The following UBE2H variants were observed in gnomAD, a reference collection of about 807,000 sequenced individuals.
The protein encoded by UBE2H is ubiquitin conjugating enzyme E2 H, also known as ubiquitin-conjugating enzyme E2 H.
A neutral mutation model predicts 29.0 loss-of-function variants in UBE2H; 3 were observed. That is an observed-to-expected ratio of 0.10 (90% confidence interval 0.05 to 0.27). The LOEUF (loss-of-function observed/expected upper bound fraction) is 0.27. Among genes scored for constraint, UBE2H ranks in the 10% least tolerant of loss-of-function variants. The pLI is 1.00. For missense variants in UBE2H, 68 were observed against 228.2 expected (o/e 0.30, Z 4.52); for synonymous variants, 69 against 82.9 (o/e 0.83, Z 0.91).
chr7:129,876,823 G>A (rs1806152678), intron 3 of UBE2H, among the ~76,000 whole-genome samples: 1 of 152,132 alleles, frequency 6.6e-6, no homozygotes, highest in South Asian at 2.1e-4. Context: ...AAGTAGCTAT[G>A]CCACTATTTC....
At chr7:129,930,973 C>T (rs1255492680) in intron 1 of UBE2H, among the ~76,000 whole-genome samples, 2 of 148,364 alleles carry the variant, frequency 1.3e-5, no homozygotes, top group Non-Finnish European at 3.0e-5. Context: ...AATCCCAGCA[C>T]TTTGGGAGGC....
At chr7:129,946,686 C>T (rs1266582657) in intron 1 of UBE2H, among the ~76,000 whole-genome samples, 4 of 152,098 alleles carry the variant, frequency 2.6e-5, no homozygotes, top group Non-Finnish European at 5.9e-5. Flanking sequence ...TGCTCTGTCC[C>T]CCGGGCTGGA....
At chr7:129,931,617 G>T (rs1307058137) in intron 1 of UBE2H, among the ~76,000 whole-genome samples, 2 of 151,956 alleles carry the variant, frequency 1.3e-5, no homozygotes, top group Non-Finnish European at 2.9e-5. Context: ...AAAGAAAGCT[G>T]GATTTTCATA....
At chr7:129,894,602 C>T (rs775498048) in intron 1 of UBE2H, among the ~76,000 whole-genome samples, 1 of 151,560 alleles carries the variant, frequency 6.6e-6, no homozygotes, top group Non-Finnish European at 1.5e-5. Flanking sequence ...ATTCTCCTGC[C>T]TCAGCCTCCC....
At chr7:129,886,547 A>C (rs1806362681) in intron 1 of UBE2H, among the ~76,000 whole-genome samples, 1 of 152,164 alleles carries the variant, frequency 6.6e-6, no homozygotes, top group African/African-American at 2.4e-5. Flanking sequence ...TCCTAAATTT[A>C]CTGATAACAA....
chr7:129,901,400 A>C (rs1164138291), intron 1 of UBE2H, among the ~76,000 whole-genome samples: 1 of 152,138 alleles, frequency 6.6e-6, no homozygotes, highest in Non-Finnish European at 1.5e-5. Flanking sequence ...AAGGTGACCA[A>C]CAGCGAGACT....
rs1805290953 is a variant in UBE2H, at chr7:129,834,719, C to T, written c.*218G>A. The stretch of plus-strand genomic sequence containing the variant: ...CATGCATTCAGACCGCATATTGCTA[C>T]CAAATGGAATGTGGGAATATGCTAT... On this transcript the variant is annotated 3_prime_UTR_variant, in exon 7 of 7. Coordinates refer to ENST00000355621, the MANE Select transcript of UBE2H (RefSeq NM_003344.4). The T allele has an allele frequency of 2.0e-6, 1 of 499,912 alleles. No homozygotes were observed. Among genetic ancestry groups the T allele is most frequent in the East Asian group, 3.8e-5 (1 of 26,460 alleles). 31.0% of individuals were successfully genotyped at this position (499,912 alleles called of 1,614,324 possible).
intron 1 of UBE2H, among the ~76,000 whole-genome samples, chr7:129,890,306 C>A: frequency 6.7e-6 from 1 of 149,988 alleles, no homozygotes; most frequent in East Asian, 2.0e-4. Flanking sequence ...TGTATACATA[C>A]GTGTATATAT....
chr7:129,876,418 A>C (rs1442904724), intron 3 of UBE2H, among the ~76,000 whole-genome samples: 1 of 152,260 alleles, frequency 6.6e-6, no homozygotes, highest in Non-Finnish European at 1.5e-5. Flanking sequence ...AAAATATGAA[A>C]GTCTGAATTT....
At chr7:129,913,147 G>A (rs1367866679) in intron 1 of UBE2H, among the ~76,000 whole-genome samples, 1 of 151,588 alleles carries the variant, frequency 6.6e-6, no homozygotes, top group East Asian at 1.9e-4. Flanking sequence ...AGCTACTCGG[G>A]AGGCTGAGGC....
At chr7:129,860,546 G>C (rs1228936000) in intron 3 of UBE2H, among the ~76,000 whole-genome samples, 1 of 152,096 alleles carries the variant, frequency 6.6e-6, no homozygotes. Flanking sequence ...TGCCCCATGA[G>C]AGTATTTGTT....
At chr7:129,870,794 A>C (rs1806014511) in intron 3 of UBE2H, among the ~76,000 whole-genome samples, 2 of 152,138 alleles carry the variant, frequency 1.3e-5, no homozygotes, top group Admixed American at 6.6e-5. Flanking sequence ...TTAAAATGAA[A>C]GTCGAGCCTT....
In UBE2H at chr7:129,879,559, G is replaced by A; in HGVS notation, c.205+9C>T. 1 of 1,609,060 alleles carries A rather than the reference G, an allele frequency of 6.2e-7. No homozygotes were observed. Among genetic ancestry groups the A allele is most frequent in the African/African-American group, 1.3e-5 (1 of 74,778 alleles). On this transcript the variant is annotated intron_variant, in intron 3 of 6. Coordinates refer to ENST00000355621, the MANE Select transcript of UBE2H (RefSeq NM_003344.4). The stretch of plus-strand genomic sequence containing the variant: ...ACTCTCTAAGGAGAAAAACCAAGTA[G>A]TAACATACCTATAGATGGAGATTTG...
In UBE2H at chr7:129,879,656, A is replaced by G; in HGVS notation, c.131-14T>C. The G allele has an allele frequency of 6.2e-7, 1 of 1,605,162 alleles. No homozygotes were observed. The highest frequency in any genetic ancestry group is 8.5e-7 in the Non-Finnish European group (1 of 1,174,506). On this transcript the variant is annotated splice_polypyrimidine_tract_variant and intron_variant, in intron 2 of 6. Transcript: ENST00000355621. ...CTTCATATGGTGCTGAAATAAAAGT[A>G]AAAATGTTCATCAGAACTACATCTC...
At chr7:129,918,440 C>G (rs190241517) in intron 1 of UBE2H, among the ~76,000 whole-genome samples, 15 of 151,566 alleles carry the variant, frequency 9.9e-5, no homozygotes, top group Admixed American at 6.6e-4. Flanking sequence ...CTCACTGCAA[C>G]CTCTGCCTCC....
intron 5 of UBE2H, among the ~76,000 whole-genome samples, chr7:129,855,197 A>T (rs748177612): frequency 7.9e-5 from 12 of 152,162 alleles, no homozygotes; most frequent in Non-Finnish European, 1.8e-4. Context: ...TTATTTTTTT[A>T]AAAAACCTGT....
chr7:129,861,355 T>C (rs1805798444), intron 3 of UBE2H, among the ~76,000 whole-genome samples: 1 of 152,186 alleles, frequency 6.6e-6, no homozygotes, highest in Non-Finnish European at 1.5e-5. Flanking sequence ...ATGTTAACAG[T>C]GTAGAATTCT....
chr7:129,834,898 G>A lies in UBE2H; in HGVS notation c.*39C>T, dbSNP rs532972084. 6.2e-7 allele frequency: 1 copy of A among 1,609,926 alleles called. No homozygotes were observed. The highest frequency in any genetic ancestry group is 2.2e-5 in the East Asian group (1 of 44,856). ...TATTATAGTCTGCTTCTCATGGTTAGGAAATAATAGTCTTTCTGAAAAGCA... is the reference window on the plus strand; with the variant it reads ...TATTATAGTCTGCTTCTCATGGTTAAGAAATAATAGTCTTTCTGAAAAGCA... On this transcript the variant is annotated 3_prime_UTR_variant, in exon 7 of 7. Coordinates refer to ENST00000355621, the MANE Select transcript of UBE2H (RefSeq NM_003344.4).
chr7:129,911,706 T>C (rs974310303), intron 1 of UBE2H, among the ~76,000 whole-genome samples: 1 of 152,108 alleles, frequency 6.6e-6, no homozygotes, highest in Non-Finnish European at 1.5e-5. Flanking sequence ...GGCATCATCA[T>C]AGCTCACTGT....
Sources: gnomAD v4.1 joint callset for allele counts (sites outside exome capture counted in the v4.1 genomes callset) on GRCh38, gnomAD v4.1.1 for gene constraint, MANE v1.5 for transcripts, NCBI Gene and HGNC (gene_info 2026-07-23, HGNC 2026-07-21) for gene names.